The following PAK5 variants were observed in gnomAD, a reference collection of about 807,000 sequenced individuals.
PAK5 encodes the protein serine/threonine-protein kinase PAK 5.
In PAK5, 16 loss-of-function variants were observed where a neutral mutation model predicts 65.9. The ratio of observed to expected loss-of-function variants is 0.24; its 90% confidence interval spans 0.16 to 0.37. PAK5 has a LOEUF of 0.37. Among genes scored for constraint, PAK5 ranks in the 10% least tolerant of loss-of-function variants. The probability of loss-of-function intolerance (pLI) is 1.00; values close to 1 mark genes in which losing one functional copy is unlikely to be tolerated. For synonymous variants in PAK5, 371 were observed against 354.9 expected (o/e 1.05, Z -0.51); for missense variants, 785 against 903.9 (o/e 0.87, Z 1.69).
chr20:9,778,548 G>A (rs1294532956), intron 1 of PAK5, among the ~76,000 whole-genome samples: 6 of 152,170 alleles, frequency 3.9e-5, no homozygotes, highest in Admixed American at 2.6e-4. Context: ...AATACTTTGG[G>A]AGATTTTAGA....
intron 1 of PAK5, among the ~76,000 whole-genome samples, chr20:9,734,152 A>C (rs1377386984): frequency 6.6e-6 from 1 of 152,220 alleles, no homozygotes; most frequent in Non-Finnish European, 1.5e-5. Flanking sequence ...TTGATCTCAG[A>C]TGTGCTAAAA....
intron 1 of PAK5, among the ~76,000 whole-genome samples, chr20:9,724,197 A>C (rs1403821762): frequency 1.3e-5 from 2 of 152,298 alleles, no homozygotes; most frequent in East Asian, 3.9e-4. Context: ...AATTTTTTTT[A>C]ATTTGTAGTT....
rs79541418 is a variant in PAK5, at chr20:9,569,103, T to C, written c.991-2719A>G. On this transcript the variant is annotated intron_variant, in intron 4 of 9. Transcript: ENST00000353224. The stretch of plus-strand genomic sequence containing the variant: ...GTGACCTACAGAAACTGTGAAATAG[T>C]AAATGTTTGTTATTTAAAGTTTAGG... 4.5e-3 allele frequency among the ~76,000 whole-genome samples: 693 copies of C among 152,328 alleles called. 6 individuals are homozygous for C. The highest frequency in any genetic ancestry group is 0.016 in the African/African-American group (661 of 41,572).
At chr20:9,604,912 G>A (rs181886414) in intron 3 of PAK5, among the ~76,000 whole-genome samples, 253 of 152,284 alleles carry the variant, frequency 1.7e-3, no homozygotes, top group Non-Finnish European at 2.9e-3. Context: ...GAAGCACTAG[G>A]TACCCCAGTA....
At chr20:9,811,251 C>T (rs1202255814) in intron 1 of PAK5, among the ~76,000 whole-genome samples, 3 of 152,020 alleles carry the variant, frequency 2.0e-5, no homozygotes, top group African/African-American at 4.8e-5. Flanking sequence ...ATCATCGTGA[C>T]ATTGTATACT....
intron 7 of PAK5, among the ~76,000 whole-genome samples, chr20:9,555,204 T>A (rs1342868557): frequency 2.0e-5 from 3 of 152,158 alleles, no homozygotes; most frequent in Non-Finnish European, 1.5e-5. Flanking sequence ...GTTCAGTAAA[T>A]GAATGAGAGA....
intron 1 of PAK5, among the ~76,000 whole-genome samples, chr20:9,803,731 G>A (rs559683048): frequency 5.9e-5 from 9 of 152,256 alleles, no homozygotes; most frequent in Non-Finnish European, 1.3e-4. Context: ...CTGGAAACAA[G>A]TAGAATTTAA....
At chr20:9,601,348 G>A (rs1254985519) in intron 3 of PAK5, among the ~76,000 whole-genome samples, 1 of 152,086 alleles carries the variant, frequency 6.6e-6, no homozygotes. Context: ...AAAGAGGTCA[G>A]GAGACAAAAA....
chr20:9,693,966 T>C (rs1454216816), intron 2 of PAK5, among the ~76,000 whole-genome samples: 7 of 151,974 alleles, frequency 4.6e-5, no homozygotes, highest in Non-Finnish European at 1.0e-4. Flanking sequence ...TCATGGTCTA[T>C]AGAACCTGCC....
At chr20:9,623,607 A>C in intron 3 of PAK5, among the ~76,000 whole-genome samples, 1 of 152,188 alleles carries the variant, frequency 6.6e-6, no homozygotes, top group Non-Finnish European at 1.5e-5. Context: ...CAGATACCCA[A>C]ATAAAAGTAC....
intron 7 of PAK5, among the ~76,000 whole-genome samples, chr20:9,549,605 T>C (rs1265602394): frequency 6.6e-6 from 1 of 152,134 alleles, no homozygotes; most frequent in Non-Finnish European, 1.5e-5. Flanking sequence ...ATACCCCGTG[T>C]GAAAGGAAAA....
In PAK5 at chr20:9,648,856, G is replaced by A. The variant is rs188187584; in HGVS notation, c.-11-4517C>T. Among the ~76,000 whole-genome samples the A allele has an allele frequency of 3.7e-3, 566 of 152,256 alleles. 3 individuals are homozygous for A. Among genetic ancestry groups the A allele is most frequent in the African/African-American group, 0.013 (539 of 41,546 alleles). ...GAACCCAGTTGGTGTGGATGGTGAG[G>A]TTTCTTGGGTCCTGTCATGTCTCTC... On this transcript the variant is annotated intron_variant, in intron 2 of 9. Transcript: ENST00000353224.
At chr20:9,735,624 A>G (rs2123567031) in intron 1 of PAK5, among the ~76,000 whole-genome samples, 1 of 152,282 alleles carries the variant, frequency 6.6e-6, no homozygotes, top group Non-Finnish European at 1.5e-5. Flanking sequence ...TCTTCAAGCA[A>G]GACTAAAAAA....
intron 1 of PAK5, among the ~76,000 whole-genome samples, chr20:9,818,257 C>T (rs1392265949): frequency 1.3e-5 from 2 of 152,252 alleles, no homozygotes; most frequent in Middle Eastern, 3.4e-3. Context: ...GCAAGAATCC[C>T]ATTAGGTCAG....
intron 1 of PAK5, among the ~76,000 whole-genome samples, chr20:9,772,651 T>C (rs964696732): frequency 3.3e-5 from 5 of 152,260 alleles, no homozygotes; most frequent in East Asian, 1.9e-4. Flanking sequence ...ATCAGCATGA[T>C]TGCTTTTCAT....
chr20:9,662,815 G>T (rs1395234257), intron 2 of PAK5, among the ~76,000 whole-genome samples: 2 of 152,018 alleles, frequency 1.3e-5, no homozygotes, highest in Non-Finnish European at 2.9e-5. Flanking sequence ...TCAGCAAATA[G>T]CATTAGCCTC....
At chr20:9,554,465 GAT>G (rs567036141) in intron 7 of PAK5, among the ~76,000 whole-genome samples, 325 of 152,282 alleles carry the variant, frequency 2.1e-3, no homozygotes, top group Middle Eastern at 3.4e-3. Context: ...TGTGAGTGAG[GAT>G]GACTTCCAGA....
intron 1 of PAK5, among the ~76,000 whole-genome samples, chr20:9,752,490 T>C (rs2048588355): frequency 6.6e-6 from 1 of 152,076 alleles, no homozygotes; most frequent in Admixed American, 6.6e-5. Context: ...GGAGAGATAA[T>C]GGTGGCTTGG....
At chr20:9,694,300 GTGTT>G (rs1207066070) in intron 2 of PAK5, among the ~76,000 whole-genome samples, 1 of 103,036 alleles carries the variant, frequency 9.7e-6, no homozygotes, top group South Asian at 3.6e-4. Flanking sequence ...GGCCGTGTGT[GTGTT>G]TGTGTGTGTG....
Sources: gnomAD v4.1 joint callset for allele counts (sites outside exome capture counted in the v4.1 genomes callset) on GRCh38, gnomAD v4.1.1 for gene constraint, MANE v1.5 for transcripts, NCBI Gene and HGNC (gene_info 2026-07-23, HGNC 2026-07-21) for gene names.